The following LCA5 variants were observed in gnomAD, a reference collection of about 807,000 sequenced individuals.
LCA5 encodes lebercilin.
LCA5 carries 37 observed loss-of-function variants against 53.0 expected under a neutral mutation model. The ratio of observed to expected loss-of-function variants is 0.70; its 90% CI spans 0.54 to 0.92. LCA5 has a LOEUF of 0.92. Ranked by LOEUF, LCA5 falls within the 40% of genes least tolerant of loss-of-function variation. The pLI is 0.00. For missense variants in LCA5, 806 were observed against 790.5 expected, an observed-to-expected ratio of 1.02 and a Z score of -0.23; for synonymous variants, 303 against 282.9, an observed-to-expected ratio of 1.07 and a Z score of -0.71.
rs141133548 is a variant in LCA5, at chr6:79,494,320, C to T, written c.721-570G>A. ...AAATTACACAGCACTACCAAAGCTG[C>T]GGAGAGTACCTAGAGTAAAACATCT... On this transcript the variant is annotated intron_variant, in intron 3 of 7. Transcript: ENST00000369846. Among the ~76,000 whole-genome samples, 776 of 152,124 alleles carry T rather than the reference C, an allele frequency of 5.1e-3. 4 individuals are homozygous for T. The highest frequency in any genetic ancestry group is 0.015 in the South Asian group (74 of 4,812).
chr6:79,487,838 C>A lies in LCA5; in HGVS notation c.1260G>T (p.Lys420Asn), dbSNP rs141642284. Residue 420 changes from lysine to asparagine, a missense_variant, in exon 8 of 8, where the codon AAG becomes AAT. Physicochemically the swap from Lys to Asn is moderately conservative, Grantham distance 94 (BLOSUM62 0). Coordinates refer to ENST00000369846, the MANE Select transcript of LCA5 (RefSeq NM_001122769.3). ...DEWEREELDK[K>N]QKEKASLLER... The stretch of plus-strand genomic sequence containing the variant: ...CCAGTAAAGATGCCTTTTCTTTTTG[C>A]TTTTTATCAAGTTCTTCTCTTTCCC... 1 of 1,607,598 alleles carries A rather than the reference C, an allele frequency of 6.2e-7. No individual in the cohort carries two copies. Among genetic ancestry groups the A allele is most frequent in the South Asian group, 1.1e-5 (1 of 88,918 alleles).
chr6:79,517,971 TG>T (rs1231710178), intron 2 of LCA5, among the ~76,000 whole-genome samples: 1 of 152,166 alleles, frequency 6.6e-6, no homozygotes, highest in African/African-American at 2.4e-5. Flanking sequence ...CTTTTATTAA[TG>T]GGTACTGTAA....
At chr6:79,504,130 C>A (rs995763222) in intron 3 of LCA5, among the ~76,000 whole-genome samples, 4 of 152,190 alleles carry the variant, frequency 2.6e-5, no homozygotes, top group African/African-American at 9.6e-5. Flanking sequence ...GAACAACTAT[C>A]ATCCAGTACC....
At chr6:79,532,402 C>G (rs1582658798) in intron 1 of LCA5, among the ~76,000 whole-genome samples, 1 of 152,278 alleles carries the variant, frequency 6.6e-6, no homozygotes, top group Middle Eastern at 3.4e-3. Flanking sequence ...GCACTGCTCT[C>G]CTGCTTAATA....
chr6:79,525,843 G>T (rs1766770316), intron 1 of LCA5, among the ~76,000 whole-genome samples: 1 of 152,226 alleles, frequency 6.6e-6, no homozygotes, highest in African/African-American at 2.4e-5. Context: ...AGCCGGAGCA[G>T]ACAGCCAAGA....
chr6:79,521,400 C>A (rs148565866), intron 1 of LCA5, among the ~76,000 whole-genome samples: 64 of 152,196 alleles, frequency 4.2e-4, no homozygotes, highest in African/African-American at 1.3e-3. Flanking sequence ...CTTTATATTC[C>A]TAGTGAGACA....
rs562204881 is a variant in LCA5, at chr6:79,489,178, T to C, written c.1137A>G (p.Ala379=). 1.2e-6 allele frequency: 2 copies of C among 1,612,648 alleles called. No homozygotes were observed. Among genetic ancestry groups the C allele is most frequent in the South Asian group, 1.1e-5 (1 of 91,066 alleles). The change falls in exon 7 of 8, where the codon GCA becomes GCG. Residue 379 remains alanine (A), a synonymous_variant. Transcript: ENST00000369846. ...QSQKQDRHGE[A]GILNPIMERE... ...TTTCCATAATTGGGTTTAGAATCCC[T>C]GCTTCTCCATGCCTGTCTTGCTTTT... is the stretch of plus-strand genomic sequence containing the variant.
intron 6 of LCA5, 81 bp downstream of exon 6, chr6:79,491,507 G>A: frequency 6.8e-7 from 1 of 1,467,590 alleles, no homozygotes; most frequent in Non-Finnish European, 9.5e-7. Flanking sequence ...CTTCATTACT[G>A]AAATTTTAAA....
Position 79,487,129 on chromosome 6 carries a change from A to G in LCA5, c.1969T>C (p.Phe657Leu). Residue 657 changes from phenylalanine to leucine, a missense_variant, in exon 8 of 8, where the codon TTT (phenylalanine) becomes CTT (leucine). Coordinates refer to ENST00000369846, the MANE Select transcript of LCA5 (RefSeq NM_001122769.3). ...RDQEHDEDEG[F>L]FLSEGRSFNP... ...AAACTTCTTCCTTCACTGAGGAAAA[A>G]GCCTTCATCTTCATCATGTTCTTGA... 1 of 1,612,938 alleles carries G rather than the reference A, an allele frequency of 6.2e-7. No homozygotes were observed. The highest frequency in any genetic ancestry group is 1.1e-5 in the South Asian group (1 of 91,058).
Position 79,486,546 on chromosome 6 carries a change from G to A in LCA5, c.*458C>T, listed in dbSNP as rs1414627342. ...CCCTGGCCCTATCCATAAAGGGAAG[G>A]GCTCCTAAGAAGCACTGGTTCTCCA... On this transcript the variant is annotated 3_prime_UTR_variant, in exon 8 of 8. Transcript: ENST00000369846. The A allele has an allele frequency of 6.3e-6, 1 of 158,796 alleles. No homozygotes were observed. Among genetic ancestry groups the A allele is most frequent in the African/African-American group, 2.4e-5 (1 of 41,438 alleles). 9.8% of individuals were successfully genotyped at this position (158,796 alleles called of 1,614,324 possible). A position where few individuals can be genotyped will look rare whatever the true frequency, so the allele number is the denominator to read the frequency against.
At chr6:79,507,136 A>G (rs1310545808) in intron 3 of LCA5, among the ~76,000 whole-genome samples, 1 of 152,200 alleles carries the variant, frequency 6.6e-6, no homozygotes, top group Non-Finnish European at 1.5e-5. Flanking sequence ...ATACTTATCA[A>G]TCACAACATA....
chr6:79,509,376 C>A (rs1770350512), intron 3 of LCA5, among the ~76,000 whole-genome samples: 1 of 151,450 alleles, frequency 6.6e-6, no homozygotes, highest in Non-Finnish European at 1.5e-5. Context: ...ATCGCTTGAA[C>A]CCAGGAGGTG....
Position 79,518,884 on chromosome 6 carries a change from C to T in LCA5, c.11G>A (p.Arg4Lys), listed in dbSNP as rs768115801. Reference sequence around the variant, plus strand: ...TTGATCAGTACCTGGACTTCCTGCTCTTTCCCCCATTGTTTTGAAAAATGG... The same window carrying T: ...TTGATCAGTACCTGGACTTCCTGCTTTTTCCCCCATTGTTTTGAAAAATGG... MGE[R>K]AGSPGTDQER... The change falls in exon 2 of 8, where the codon AGA (arginine) becomes AAA (lysine). Residue 4 changes from arginine to lysine, a missense_variant. By Grantham distance (26) the Arg-to-Lys change is conservative (BLOSUM62 2). Coordinates refer to ENST00000369846, the MANE Select transcript of LCA5 (RefSeq NM_001122769.3). 1 of 1,614,160 alleles carries T rather than the reference C, an allele frequency of 6.2e-7. No individual in the cohort carries two copies. Among genetic ancestry groups the T allele is most frequent in the Admixed American group, 1.7e-5 (1 of 60,024 alleles).
At chr6:79,509,982 G>A (rs1025166466) in intron 3 of LCA5, among the ~76,000 whole-genome samples, 3 of 152,280 alleles carry the variant, frequency 2.0e-5, no homozygotes, top group South Asian at 2.1e-4. Context: ...GATGTTTGTA[G>A]ATGTAGACAA....
chr6:79,489,175 C>A lies in LCA5; in HGVS notation c.1140G>T (p.Gly380=), dbSNP rs1262312168. Residue 380 remains glycine (G), a synonymous_variant, in exon 7 of 8, where the codon GGG becomes GGT. Transcript: ENST00000369846. ...SQKQDRHGEA[G]ILNPIMEREE... is the part of the protein sequence containing the mutation. ...CTCTTTCCATAATTGGGTTTAGAAT[C>A]CCTGCTTCTCCATGCCTGTCTTGCT... 2.5e-6 allele frequency: 4 copies of A among 1,612,510 alleles called. No homozygotes were observed. Among genetic ancestry groups the A allele is most frequent in the Non-Finnish European group, 3.4e-6 (4 of 1,179,648 alleles).
intron 2 of LCA5, among the ~76,000 whole-genome samples, chr6:79,516,961 A>T (rs1562108360): frequency 2.0e-5 from 3 of 151,930 alleles, no homozygotes; most frequent in Admixed American, 6.6e-5. Context: ...AAAAATTTTG[A>T]TACTGCATGA....
At chr6:79,521,219 A>T (rs1196115025) in intron 1 of LCA5, among the ~76,000 whole-genome samples, 1 of 152,224 alleles carries the variant, frequency 6.6e-6, no homozygotes, top group Non-Finnish European at 1.5e-5. Context: ...GTTTCTTTGT[A>T]TATAATTTTT....
intron 1 of LCA5, among the ~76,000 whole-genome samples, chr6:79,534,112 C>G (rs1470960316): frequency 6.7e-6 from 1 of 149,406 alleles, no homozygotes. Context: ...GTAAAGTGTT[C>G]CACTTCTTCT....
At chr6:79,514,158 T>C (rs1372235343) in intron 2 of LCA5, among the ~76,000 whole-genome samples, 4 of 152,144 alleles carry the variant, frequency 2.6e-5, no homozygotes, top group Non-Finnish European at 4.4e-5. Context: ...TTTGGGATCA[T>C]TATTTCAAAT....
Sources: allele counts gnomAD v4.1 joint callset (sites outside exome capture counted in the v4.1 genomes callset), GRCh38; gene constraint gnomAD v4.1.1; transcripts MANE v1.5; gene names NCBI Gene and HGNC (gene_info 2026-07-23, HGNC 2026-07-21).